POLG2: variants seen among roughly 807,000 people sequenced by gnomAD.
The protein encoded by POLG2 is DNA polymerase gamma 2, accessory subunit, also known as DNA polymerase subunit gamma-2.
Under a neutral mutation model 56.5 loss-of-function variants are expected in POLG2, and 50 were observed. The observed-to-expected ratio is 0.88, with a 90% CI of 0.71 to 1.12. POLG2 has a LOEUF of 1.12. POLG2 is among the 50% of genes most tolerant of loss of function. POLG2 has a pLI of 0.00. For missense variants in POLG2, 584 were observed against 583.3 expected (o/e 1.00, Z -0.01); for synonymous variants, 226 against 222.6 (o/e 1.02, Z -0.14).
Position 64,496,513 on chromosome 17 carries a change from A to G in POLG2, c.456T>C (p.Thr152=). 6.2e-7 allele frequency: 1 copy of G among 1,613,464 alleles called. No individual in the cohort carries two copies. Among genetic ancestry groups the G allele is most frequent in the Non-Finnish European group, 8.5e-7 (1 of 1,179,462 alleles). ...DSAFRLVSAE[T]LREILQDKEL... is the part of the protein sequence containing the mutation. ...CTTTGTCTTGCAAGATTTCGCGTAGAGTTTCTGCAGAAACTAACCTGAAGG... is the reference window on the plus strand; with the variant it reads ...CTTTGTCTTGCAAGATTTCGCGTAGGGTTTCTGCAGAAACTAACCTGAAGG... Residue 152 remains threonine, a synonymous_variant, in exon 1 of 8, where the codon ACT becomes ACC. Transcript: ENST00000539111.
intron 4 of POLG2, among the ~76,000 whole-genome samples, chr17:64,486,298 A>G (rs574273139): frequency 2.0e-5 from 3 of 152,172 alleles, no homozygotes; most frequent in Admixed American, 6.5e-5. Context: ...AATTTTTTCA[A>G]TAGCCCTACA....
rs1555666800 is a variant in POLG2, at chr17:64,482,954, C to T, written c.1156G>A (p.Asp386Asn). ...TCCAATGTGGGGCCTCTTCCTACAT[C>T]CAAAGCAACCTTAATAGGGGCTAAA... ...PCLAPIKVALDVGRGPTLELR... is the reference protein window; with the variant it reads ...PCLAPIKVALNVGRGPTLELR... The change falls in exon 6 of 8, where the codon GAT becomes AAT. Residue 386 changes from aspartate to asparagine, a missense_variant. Coordinates refer to ENST00000539111, the MANE Select transcript of POLG2 (RefSeq NM_007215.4). 1 of 1,607,358 alleles carries T rather than the reference C, an allele frequency of 6.2e-7. No individual in the cohort carries two copies. The highest frequency in any genetic ancestry group is 1.7e-5 in the Admixed American group (1 of 59,992).
At chr17:64,494,896 G>A (rs782323359) in intron 1 of POLG2, among the ~76,000 whole-genome samples, 15 of 152,190 alleles carry the variant, frequency 9.9e-5, no homozygotes, top group Admixed American at 3.3e-4. Flanking sequence ...TCTGGAGGCC[G>A]GGCGCAGTGG....
chr17:64,479,308 C>T (rs1369231090), intron 7 of POLG2, among the ~76,000 whole-genome samples: 1 of 151,856 alleles, frequency 6.6e-6, no homozygotes, highest in Admixed American at 6.6e-5. Context: ...CTCAGCCTCC[C>T]AAGTAGCTAG....
chr17:64,492,765 C>T lies in POLG2; in HGVS notation c.697G>A (p.Glu233Lys), dbSNP rs1555668753. The T allele has an allele frequency of 6.2e-7, 1 of 1,610,188 alleles. No homozygotes were observed. The highest frequency in any genetic ancestry group is 1.1e-5 in the South Asian group (1 of 90,978). ...QIRNGVKSIG[E>K]KTEASLVWFT... is the part of the protein sequence containing the mutation. ...CATACTAACGAAGCTTCAGTCTTCT[C>T]ACCAATACTTTAGATATAAAACGTA... Residue 233 changes from glutamate (E) to lysine (K), a missense_variant, in exon 3 of 8, where the codon GAG becomes AAG. Transcript: ENST00000539111.
At chr17:64,491,601 T>A in intron 3 of POLG2, 1 of 1,543,760 alleles carries the variant, frequency 6.5e-7, no homozygotes, top group South Asian at 1.1e-5. Flanking sequence ...GATCTTGATG[T>A]GGGACTTCAG....
intron 1 of POLG2, among the ~76,000 whole-genome samples, chr17:64,494,261 A>T (rs1430873816): frequency 6.6e-6 from 1 of 152,182 alleles, no homozygotes; most frequent in Non-Finnish European, 1.5e-5. Context: ...AATTTCGGCT[A>T]ATCATTTTTA....
intron 7 of POLG2, among the ~76,000 whole-genome samples, chr17:64,479,183 GTTTTT>G (rs781987286): frequency 7.9e-6 from 1 of 126,920 alleles, no homozygotes. Context: ...TCTGAAAGGT[GTTTTT>G]TTTTTTTTTT....
At chr17:64,480,143 G>A (rs9908927) in intron 7 of POLG2, 146 bp downstream of exon 7, 52,851 of 250,014 alleles carry the variant, frequency 0.21, 12,272 homozygotes, top group African/African-American at 0.7. Context: ...TTAACTAAAT[G>A]CACATAGTTC....
intron 4 of POLG2, among the ~76,000 whole-genome samples, chr17:64,489,650 C>T (rs1339104651): frequency 6.6e-6 from 1 of 151,952 alleles, no homozygotes; most frequent in Non-Finnish European, 1.5e-5. Context: ...GTCCTAGCTA[C>T]TTGGGAGGCT....
chr17:64,491,501 CTA>C, intron 3 of POLG2: 1 of 1,437,084 alleles, frequency 7.0e-7, no homozygotes. Flanking sequence ...AAGAGTGAGA[CTA>C]TGTCTCTAAA....
At chr17:64,481,158 A>G (rs1309078218) in intron 6 of POLG2, 46 of 513,600 alleles carry the variant, frequency 9.0e-5, no homozygotes, top group Non-Finnish European at 1.1e-4. Flanking sequence ...GACAACCACA[A>G]ATCTCTCCAG....
intron 5 of POLG2, chr17:64,485,303 C>T (rs934921132): frequency 2.7e-5 from 5 of 186,744 alleles, no homozygotes; most frequent in Non-Finnish European, 5.6e-5. Context: ...CATCTAGCTC[C>T]TCTGATCCAG....
intron 5 of POLG2, among the ~76,000 whole-genome samples, chr17:64,483,391 T>G (rs944687907): frequency 4.6e-5 from 7 of 151,928 alleles, no homozygotes; most frequent in Admixed American, 3.3e-4. Context: ...GGCGCATACC[T>G]GTAGTCCCAG....
Position 64,491,392 on chromosome 17 carries a change from C to G in POLG2, c.796-423G>C. The G allele has an allele frequency of 6.5e-6, 4 of 614,418 alleles. No homozygotes were observed. The East Asian group carries it at 1.3e-4, about 20-fold the overall frequency. 38.1% of individuals were successfully genotyped at this position (614,418 alleles called of 1,614,324 possible). On this transcript the variant is annotated intron_variant, in intron 3 of 7. Coordinates refer to ENST00000539111, the MANE Select transcript of POLG2 (RefSeq NM_007215.4). Reference sequence around the variant, plus strand: ...GGGGGATCACTTGAGCTTAGGACTTCGAGACCAGCCTGGGTAACAGAGCAA... The same window carrying G: ...GGGGGATCACTTGAGCTTAGGACTTGGAGACCAGCCTGGGTAACAGAGCAA...
At chr17:64,481,549 G>A (rs2037855750) in intron 6 of POLG2, 1 of 337,400 alleles carries the variant, frequency 3.0e-6, no homozygotes, top group Non-Finnish European at 4.2e-6. Flanking sequence ...TAGAATATCT[G>A]AATATAGTCA....
At chr17:64,491,768 G>A (rs1423773956) in intron 3 of POLG2, 1 of 658,702 alleles carries the variant, frequency 1.5e-6, no homozygotes, top group Non-Finnish European at 2.8e-6. Context: ...TCAAGCACGA[G>A]CGGCTATGCA....
intron 4 of POLG2, among the ~76,000 whole-genome samples, chr17:64,488,150 G>T (rs1249865052): frequency 6.6e-6 from 1 of 152,110 alleles, no homozygotes; most frequent in African/African-American, 2.4e-5. Context: ...GATTGCTTGA[G>T]CCCAGGAGTT....
chr17:64,483,006 C>A lies in POLG2; in HGVS notation c.1111-7G>T, dbSNP rs2037887696. The A allele has an allele frequency of 6.6e-7, 1 of 1,508,134 alleles. No individual in the cohort carries two copies. Among genetic ancestry groups the A allele is most frequent in the Non-Finnish European group, 9.2e-7 (1 of 1,086,370 alleles). 93.4% of individuals were successfully genotyped at this position (1,508,134 alleles called of 1,614,324 possible). ...AAGGGTGAAGTTTAAGTACCTAAGG[C>A]AATTAAATGGGGGAGGGAGAAGACA... On this transcript the variant is annotated splice_polypyrimidine_tract_variant and splice_region_variant and intron_variant, in intron 5 of 7. Coordinates refer to ENST00000539111, the MANE Select transcript of POLG2 (RefSeq NM_007215.4).
Sources: allele counts gnomAD v4.1 joint callset (sites outside exome capture counted in the v4.1 genomes callset), GRCh38; gene constraint gnomAD v4.1.1; transcripts MANE v1.5; gene names NCBI Gene and HGNC (gene_info 2026-07-23, HGNC 2026-07-21).